RGP1: variants seen among roughly 807,000 people sequenced by gnomAD.
RGP1 encodes the protein RGP1 partner of RAB6A GEF complex.
A neutral mutation model predicts 44.5 loss-of-function variants in RGP1; 28 were observed. The observed-to-expected ratio is 0.63, with a 90% CI of 0.47 to 0.86. The LOEUF is 0.86. Among genes scored for constraint, RGP1 ranks in the 40% least tolerant of loss-of-function variants. RGP1 has a pLI of 0.00. For synonymous variants in RGP1, 212 were observed against 196.7 expected, an observed-to-expected ratio of 1.08 and a Z score of -0.65; for missense variants, 417 against 490.7, an observed-to-expected ratio of 0.85 and a Z score of 1.42.
At chr9:35,758,745 A>G (rs992864370), downstream of RGP1, among the ~76,000 whole-genome samples, 1 of 150,680 alleles carries the variant, frequency 6.6e-6, no homozygotes, top group Non-Finnish European at 1.5e-5. Context: ...TCTACTATAA[A>G]TTCTCTCCCT....
downstream of RGP1, among the ~76,000 whole-genome samples, chr9:35,760,125 CTT>C (rs1487325325): frequency 6.6e-6 from 1 of 152,040 alleles, no homozygotes; most frequent in East Asian, 1.9e-4. Flanking sequence ...TTTTCTATCT[CTT>C]TAATGAAATT....
In RGP1 at chr9:35,752,127, G is replaced by A. The variant is rs117436169; in HGVS notation, c.934G>A (p.Gly312Ser). Reference sequence around the variant, plus strand: ...CCCAATCCCTCTCAGCTCCACCCCAGGCTTCTGTACAGCCATTGGTGAGAC... The same window carrying A: ...CCCAATCCCTCTCAGCTCCACCCCAAGCTTCTGTACAGCCATTGGTGAGAC... ...SLPIPLSSTP[G>S]FCTAIVSLKW... Residue 312 changes from glycine to serine, a missense_variant, in exon 8 of 9, where the codon GGC (glycine) becomes AGC (serine). By Grantham distance (56) the Gly-to-Ser change is moderately conservative. Coordinates refer to ENST00000378078, the MANE Select transcript of RGP1 (RefSeq NM_001080496.3). The A allele has an allele frequency of 3.5e-3, 5,489 of 1,575,040 alleles. 189 individuals carry two copies. The East Asian group carries it at 0.084, about 24-fold the overall frequency.
At chr9:35,779,882 T>A in the RGP1 span, among the ~76,000 whole-genome samples, 1 of 151,982 alleles carries the variant, frequency 6.6e-6, no homozygotes, top group Non-Finnish European at 1.5e-5. Flanking sequence ...CTGCAGGTTA[T>A]GTGCCACCAC....
In RGP1 at chr9:35,756,244, T is replaced by G. The variant is rs1378638405; in HGVS notation, c.*3370T>G. On this transcript the variant is annotated 3_prime_UTR_variant, in exon 9 of 9. Transcript: ENST00000378078. ...GGTTTTTCTACGTTTTCAGTCCCAT[T>G]TACTCCAAGACTCACTCCCTGCCAC... is the stretch of plus-strand genomic sequence containing the variant. 6.6e-6 allele frequency: 1 copy of G among 152,312 alleles called. No homozygotes were observed. Among genetic ancestry groups the G allele is most frequent in the Non-Finnish European group, 1.5e-5 (1 of 68,122 alleles). 9.4% of individuals were successfully genotyped at this position (152,312 alleles called of 1,614,324 possible).
At chr9:35,787,222 C>T in the RGP1 span, among the ~76,000 whole-genome samples, 7 of 150,806 alleles carry the variant, frequency 4.6e-5, no homozygotes, top group Admixed American at 6.6e-5. Context: ...ATCACAGCAG[C>T]GCCCACCGCT....
chr9:35,750,938 A>C lies in RGP1; in HGVS notation c.436A>C (p.Asn146His), dbSNP rs568951103. ...YKLTIGCQRV[N>H]SPITLLRVPL... ...ACTGACCATTGGCTGCCAGCGTGTC[A>C]ACTCCCCTATCACTTTACTCAGAGT... The change falls in exon 5 of 9, where the codon AAC becomes CAC. Residue 146 changes from asparagine (N) to histidine (H), a missense_variant. Physicochemically the swap from Asn to His is moderately conservative, Grantham distance 68 (BLOSUM62 1). Transcript: ENST00000378078. The C allele has an allele frequency of 6.2e-7, 1 of 1,613,960 alleles. No individual in the cohort carries two copies. The highest frequency in any genetic ancestry group is 1.3e-5 in the African/African-American group (1 of 75,024).
rs1827371888 is a variant in RGP1, at chr9:35,757,301, C to T, written c.*4427C>T. ...GAGGGTTTCTGGGAGCAGAGGGTCA[C>T]TTAGTGGGCTTCTGTCGTGGTGTCG... On this transcript the variant is annotated 3_prime_UTR_variant, in exon 9 of 9. Coordinates refer to ENST00000378078, the MANE Select transcript of RGP1 (RefSeq NM_001080496.3). 1 of 152,500 alleles carries T rather than the reference C, an allele frequency of 6.6e-6. No homozygotes were observed. The highest frequency in any genetic ancestry group is 2.4e-5 in the African/African-American group (1 of 41,438). 9.4% of individuals were successfully genotyped at this position (152,500 alleles called of 1,614,324 possible). A position where few individuals can be genotyped will look rare whatever the true frequency, so the allele number is the denominator to read the frequency against.
Position 35,752,010 on chromosome 9 carries a change from C to T in RGP1, c.817C>T (p.Arg273Cys), listed in dbSNP as rs948981491. Residue 273 changes from arginine (R) to cysteine (C), a missense_variant, in exon 8 of 9, where the codon CGT (arginine) becomes TGT (cysteine). By Grantham distance (180) the Arg-to-Cys change is radical. Transcript: ENST00000378078. ...TGTACAGCCTGAGTACCAGCGGCGACGTGGGGCAGGGGGTGTCCCCTCTGT... is the reference window on the plus strand; with the variant it reads ...TGTACAGCCTGAGTACCAGCGGCGATGTGGGGCAGGGGGTGTCCCCTCTGT... The part of the protein sequence containing the change: ...ERVQPEYQRR[R>C]GAGGVPSVSH... The T allele has an allele frequency of 7.5e-6, 12 of 1,605,364 alleles. No individual in the cohort carries two copies. Among genetic ancestry groups the T allele is most frequent in the African/African-American group, 4.0e-5 (3 of 74,580 alleles).
Position 35,749,314 on chromosome 9 carries a change from C to A in RGP1, c.-114C>A. 1 of 494,620 alleles carries A rather than the reference C, an allele frequency of 2.0e-6. No homozygotes were observed. The allele number at this position is 494,620 out of a possible 1,614,324, so 30.6% of individuals were successfully genotyped here. A position where few individuals can be genotyped will look rare whatever the true frequency, so the allele number is the denominator to read the frequency against. ...TCCCGCCTCTACCGCCCAGCGGACG[C>A]CGCCGCCGCCGCCGCCGCCGCGTAC... On this transcript the variant is annotated 5_prime_UTR_variant, in exon 1 of 9. Transcript: ENST00000378078. The surrounding 1 kb of genome is among the most constrained non-coding windows in gnomAD (Gnocchi z 4.4).
the RGP1 span, among the ~76,000 whole-genome samples, chr9:35,778,351 T>C: frequency 2.0e-4 from 30 of 152,288 alleles, no homozygotes; most frequent in Non-Finnish European, 4.1e-4. Context: ...GTCTCTTTCA[T>C]CTTGCCCTTT....
At chr9:35,788,607 A>G in the RGP1 span, among the ~76,000 whole-genome samples, 53 of 151,584 alleles carry the variant, frequency 3.5e-4, no homozygotes, top group South Asian at 0.011. Flanking sequence ...GAGGGTGTTG[A>G]TTGACCCTAT....
chr9:35,753,139 G>A lies in RGP1; in HGVS notation c.*265G>A, dbSNP rs1451891057. ...GAGCAGGAGCCCCAGGAACAGGGGT[G>A]TTGGCTGAGCCCCATTCTGGGTCAG... On this transcript the variant is annotated 3_prime_UTR_variant, in exon 9 of 9. Transcript: ENST00000378078. This position sits in a 1 kb window ranked among gnomAD's most constrained non-coding sequence, Gnocchi z 4.2. 1 of 1,614,226 alleles carries A rather than the reference G, an allele frequency of 6.2e-7. No homozygotes were observed.
the RGP1 span, among the ~76,000 whole-genome samples, chr9:35,788,172 G>C: frequency 0.012 from 1,884 of 152,336 alleles, 22 homozygotes; most frequent in Non-Finnish European, 0.017. Flanking sequence ...GTGTAACCAG[G>C]ATTAGGATTT....
intron 6 of RGP1, 84 bp from the exon 7 acceptor site, chr9:35,751,543 G>A (rs1827265030): frequency 1.2e-6 from 2 of 1,601,900 alleles, no homozygotes; most frequent in Non-Finnish European, 8.5e-7. Flanking sequence ...TTAAAGAAAA[G>A]CCCCATCTTT....
chr9:35,764,265 TAAGC>T, the RGP1 span, among the ~76,000 whole-genome samples: 1 of 152,224 alleles, frequency 6.6e-6, no homozygotes, highest in Non-Finnish European at 1.5e-5. Flanking sequence ...AAATTCGACT[TAAGC>T]TAATGATGAG....
the RGP1 span, among the ~76,000 whole-genome samples, chr9:35,782,704 C>G: frequency 4.6e-5 from 7 of 152,078 alleles, no homozygotes; most frequent in Non-Finnish European, 8.8e-5. Flanking sequence ...CCTTGGCCTC[C>G]CAAAGTGCTG....
At chr9:35,769,739 G>T in the RGP1 span, among the ~76,000 whole-genome samples, 1 of 152,064 alleles carries the variant, frequency 6.6e-6, no homozygotes, top group Non-Finnish European at 1.5e-5. Flanking sequence ...TGAGGAAGAG[G>T]GATGTGACGT....
Position 35,751,290 on chromosome 9 carries a change from A to G in RGP1, c.512A>G (p.Gln171Arg), listed in dbSNP as rs1827258810. 1.2e-6 allele frequency: 2 copies of G among 1,613,838 alleles called. No homozygotes were observed. Among genetic ancestry groups the G allele is most frequent in the South Asian group, 2.2e-5 (2 of 91,076 alleles). The stretch of plus-strand genomic sequence containing the variant: ...GGCCTTCAGGATGTCCGGTTTCCCC[A>G]GGATGAGGCTGTAGCCCCATCCAGT... ...LTGLQDVRFPQDEAVAPSSPF... is the reference protein window; with the variant it reads ...LTGLQDVRFPRDEAVAPSSPF... The change falls in exon 6 of 9, where the codon CAG becomes CGG. Residue 171 changes from glutamine to arginine, a missense_variant. Physicochemically the swap from Gln to Arg is conservative, Grantham distance 43. Coordinates refer to ENST00000378078, the MANE Select transcript of RGP1 (RefSeq NM_001080496.3).
At chr9:35,769,554 C>A in the RGP1 span, among the ~76,000 whole-genome samples, 1 of 152,094 alleles carries the variant, frequency 6.6e-6, no homozygotes, top group African/African-American at 2.4e-5. Flanking sequence ...TTGGAGTACA[C>A]ATATTTGGGA....
Sources: gnomAD v4.1 joint callset for allele counts (sites outside exome capture counted in the v4.1 genomes callset) on GRCh38, gnomAD v4.1.1 for gene constraint, Gnocchi (gnomAD v3.1) non-coding constraint, MANE v1.5 for transcripts, NCBI Gene and HGNC (gene_info 2026-07-23, HGNC 2026-07-21) for gene names.